Variants in KMT5A observed in about 807,000 individuals in gnomAD.
The protein encoded by KMT5A is lysine methyltransferase 5A.
Under a neutral mutation model 40.6 loss-of-function variants are expected in KMT5A, and 6 were observed. That is an observed-to-expected ratio of 0.15 (90% CI 0.08 to 0.29). The LOEUF (loss-of-function observed/expected upper bound fraction) is 0.29, where lower values mean the gene tolerates loss of function less well. KMT5A is among the 10% of genes least tolerant of loss of function. KMT5A has a pLI of 1.00. For synonymous variants in KMT5A, 153 were observed against 178.8 expected (o/e 0.86, Z 1.15); for missense variants, 308 against 459.1 (o/e 0.67, Z 3.01).
At chr12:123,392,193 G>A (rs943011253) in intron 3 of KMT5A, among the ~76,000 whole-genome samples, 3 of 152,170 alleles carry the variant, frequency 2.0e-5, no homozygotes, top group Non-Finnish European at 2.9e-5. Flanking sequence ...CTGGACCTGT[G>A]GCACTTAGAA....
chr12:123,404,930 A>T lies in KMT5A; in HGVS notation c.704A>T (p.Gln235Leu). The T allele has an allele frequency of 1.2e-6, 2 of 1,613,592 alleles. No homozygotes were observed. The highest frequency in any genetic ancestry group is 1.7e-6 in the Non-Finnish European group (2 of 1,179,846). ...GKGRGVIATK[Q>L]FSRGDFVVEY... ...GGCAGGGGTGTGATTGCCACCAAGC[A>T]GTTCTCCCGGGGTGACTTTGTGGTG... is the stretch of plus-strand genomic sequence containing the variant. The change falls in exon 7 of 8, where the codon CAG becomes CTG. Residue 235 changes from glutamine to leucine, a missense_variant. Gln to Leu is a moderately radical substitution (Grantham distance 113). This residue lies in a region of KMT5A where 77 missense variants were observed against 220.0 expected (regional missense o/e 0.35). Coordinates refer to ENST00000402868, the MANE Select transcript of KMT5A (RefSeq NM_020382.7).
chr12:123,394,569 T>C (rs1009600904), intron 3 of KMT5A, among the ~76,000 whole-genome samples: 12 of 152,194 alleles, frequency 7.9e-5, no homozygotes, highest in Admixed American at 5.9e-4. Flanking sequence ...ACCTGGGGCT[T>C]CAACCCCACT....
intron 5 of KMT5A, among the ~76,000 whole-genome samples, chr12:123,399,083 G>A (rs1009950973): frequency 3.3e-5 from 5 of 152,246 alleles, no homozygotes; most frequent in South Asian, 2.1e-4. Flanking sequence ...CCCCTTGGCC[G>A]GCCAGCCTGG....
intron 5 of KMT5A, among the ~76,000 whole-genome samples, chr12:123,400,551 G>C (rs777382735): frequency 6.6e-6 from 1 of 151,366 alleles, no homozygotes; most frequent in East Asian, 1.9e-4. Flanking sequence ...AGTAGAGACA[G>C]AGTTTCACCA....
intron 3 of KMT5A, among the ~76,000 whole-genome samples, chr12:123,394,689 C>A (rs1877561342): frequency 6.6e-6 from 1 of 152,170 alleles, no homozygotes; most frequent in African/African-American, 2.4e-5. Flanking sequence ...GCTGTCCCAG[C>A]CTTCAGGAAT....
chr12:123,402,398 G>A (rs1274758169), intron 5 of KMT5A, among the ~76,000 whole-genome samples: 2 of 152,222 alleles, frequency 1.3e-5, no homozygotes, highest in Admixed American at 1.3e-4. Flanking sequence ...AGCACAGACT[G>A]CAGCGCCTGG....
At position 123,408,138 on chromosome 12, in the gene KMT5A, T is replaced by C. The variant is rs1441003562; in HGVS notation, c.*435T>C. 1.7e-5 allele frequency: 3 copies of C among 178,574 alleles called. No homozygotes were observed. The highest frequency in any genetic ancestry group is 3.6e-5 in the Non-Finnish European group (3 of 83,938). 11.1% of individuals were successfully genotyped at this position (178,574 alleles called of 1,614,324 possible). On this transcript the variant is annotated 3_prime_UTR_variant, in exon 8 of 8. Coordinates refer to ENST00000402868, the MANE Select transcript of KMT5A (RefSeq NM_020382.7). ...GTGTGAGGAAGACGCTGCCTCCCAA[T>C]GGCCTGGACGGGATGTTTCCAAGCT...
chr12:123,388,775 TG>T (rs1877023832), intron 1 of KMT5A: 1 of 147,294 alleles, frequency 6.8e-6, no homozygotes, highest in Non-Finnish European at 1.5e-5. Context: ...GGCGGGAGCC[TG>T]GGCTGTCATG....
chr12:123,407,403 T>A, intron 7 of KMT5A, 90 bp from the exon 8 acceptor site: 1 of 1,217,194 alleles, frequency 8.2e-7, no homozygotes, highest in South Asian at 1.3e-5. Context: ...TAAATCAGCA[T>A]CCCACCAGAG....
Position 123,406,472 on chromosome 12 carries a change from G to A in KMT5A, c.849-1021G>A, listed in dbSNP as rs932719725. ...TGGGATTACAGGCATGCGCCACCAC[G>A]CCCAGCTAATTTTGTATTTTTAGCA... On this transcript the variant is annotated intron_variant, in intron 7 of 7. Coordinates refer to ENST00000402868, the MANE Select transcript of KMT5A (RefSeq NM_020382.7). Among the ~76,000 whole-genome samples, 7 of 152,192 alleles carry A rather than the reference G, an allele frequency of 4.6e-5. No homozygotes were observed. The East Asian group carries it at 7.8e-4, about 17-fold the overall frequency.
chr12:123,405,100 C>G, intron 7 of KMT5A, 26 bp downstream of exon 7: 1 of 1,582,188 alleles, frequency 6.3e-7, no homozygotes, highest in Middle Eastern at 1.7e-4. Flanking sequence ...CTTAGAGTGG[C>G]TTTTCTGTCC....
rs1878677466 is a variant in KMT5A, at chr12:123,407,914, CA to C, written c.*215del. 1 of 558,112 alleles carries C rather than the reference CA, an allele frequency of 1.8e-6. No individual in the cohort carries two copies. The highest frequency in any genetic ancestry group is 1.9e-5 in the African/African-American group (1 of 53,050). 34.6% of individuals were successfully genotyped at this position (558,112 alleles called of 1,614,324 possible). A position where few individuals can be genotyped will look rare whatever the true frequency, so the allele number is the denominator to read the frequency against. On this transcript the variant is annotated 3_prime_UTR_variant, in exon 8 of 8. Transcript: ENST00000402868. ...ACTTGAACAGATGGCCTTATATTAC[CA>C]AAACTTTTATATTCTAGTTGTTTTT...
intron 1 of KMT5A, among the ~76,000 whole-genome samples, chr12:123,387,876 C>T (rs1213514475): frequency 1.3e-5 from 2 of 152,196 alleles, no homozygotes; most frequent in Admixed American, 6.5e-5. Context: ...AGTGACTTGG[C>T]GATGGTCACA....
chr12:123,395,331 C>T, intron 4 of KMT5A, 65 bp downstream of exon 4: 1 of 1,526,198 alleles, frequency 6.6e-7, no homozygotes, highest in Non-Finnish European at 8.9e-7. Context: ...GCCAGGGAAG[C>T]CTGCTCAGGT....
At chr12:123,399,064 C>T (rs1311482507) in intron 5 of KMT5A, among the ~76,000 whole-genome samples, 1 of 152,236 alleles carries the variant, frequency 6.6e-6, no homozygotes, top group Non-Finnish European at 1.5e-5. Flanking sequence ...AAGTGCTTCA[C>T]TGCAGGGGCC....
At chr12:123,400,910 T>C (rs1878105525) in intron 5 of KMT5A, among the ~76,000 whole-genome samples, 1 of 151,890 alleles carries the variant, frequency 6.6e-6, no homozygotes, top group South Asian at 2.1e-4. Context: ...CCTCCTGGCC[T>C]GAGACTCCCA....
Position 123,400,160 on chromosome 12 carries a change from C to G in KMT5A, c.598-3413C>G, listed in dbSNP as rs1477109802. 2.7e-5 allele frequency among the ~76,000 whole-genome samples: 4 copies of G among 148,710 alleles called. No homozygotes were observed. In the East Asian group the frequency reaches 7.9e-4, roughly 30 times the overall value. Reference sequence around the variant, plus strand: ...TTAAAAAATAATTAAAAAGGCCTCCCAAGTAGCTGGGACTACAGGCGCCTG... The same window carrying G: ...TTAAAAAATAATTAAAAAGGCCTCCGAAGTAGCTGGGACTACAGGCGCCTG... On this transcript the variant is annotated intron_variant, in intron 5 of 7. Transcript: ENST00000402868.
intron 3 of KMT5A, among the ~76,000 whole-genome samples, chr12:123,394,104 CTTTTTTTTT>C (rs397711320): frequency 8.0e-6 from 1 of 125,076 alleles, no homozygotes; most frequent in Non-Finnish European, 1.6e-5. Flanking sequence ...ATTTTTTTTT[CTTTTTTTTT>C]TTTTTTTTGA....
chr12:123,392,289 A>G (rs896389760), intron 3 of KMT5A, among the ~76,000 whole-genome samples: 2 of 152,164 alleles, frequency 1.3e-5, no homozygotes, highest in African/African-American at 4.8e-5. Context: ...CAGTCTATAC[A>G]TTGTACCAAA....
Sources: allele counts gnomAD v4.1 joint callset (sites outside exome capture counted in the v4.1 genomes callset), GRCh38; gene constraint gnomAD v4.1.1; regional missense constraint gnomAD v4.1.1; transcripts MANE v1.5; gene names NCBI Gene and HGNC (gene_info 2026-07-23, HGNC 2026-07-21).